NEGR1: variants seen among roughly 807,000 people sequenced by gnomAD.
NEGR1 encodes IgLON family member 4.
In NEGR1, 10 loss-of-function variants were observed where a neutral mutation model predicts 40.9. The observed-to-expected ratio is 0.24, with a 90% CI of 0.15 to 0.42. The LOEUF is 0.42. NEGR1 is among the 10% of genes least tolerant of loss of function. The pLI, the probability that NEGR1 is intolerant of heterozygous loss-of-function variation, is 1.00. For missense variants in NEGR1, 352 were observed against 438.9 expected (o/e 0.80, Z 1.77); for synonymous variants, 185 against 166.8 (o/e 1.11, Z -0.84).
At chr1:71,551,389 A>G (rs2101469408) in intron 6 of NEGR1, among the ~76,000 whole-genome samples, 1 of 151,760 alleles carries the variant, frequency 6.6e-6, no homozygotes, top group Middle Eastern at 3.4e-3. Context: ...TCAGACAGCC[A>G]TACATGTACA....
chr1:71,755,682 C>T (rs1478188102), intron 3 of NEGR1, among the ~76,000 whole-genome samples: 1 of 152,154 alleles, frequency 6.6e-6, no homozygotes, highest in East Asian at 1.9e-4. Flanking sequence ...TGTCCTTAAA[C>T]TTCAAGGCTC....
At chr1:71,902,641 C>T (rs114660507) in intron 2 of NEGR1, among the ~76,000 whole-genome samples, 14 of 152,004 alleles carry the variant, frequency 9.2e-5, no homozygotes, top group African/African-American at 2.2e-4. Context: ...ATTATTTTGC[C>T]GCAATGATAA....
chr1:71,750,066 T>A (rs1655518512), intron 3 of NEGR1, among the ~76,000 whole-genome samples: 1 of 149,664 alleles, frequency 6.7e-6, no homozygotes, highest in Admixed American at 6.7e-5. Context: ...CAATCTCGGC[T>A]CACTGCAAGC....
chr1:72,279,360 A>G (rs1656167972), intron 1 of NEGR1, among the ~76,000 whole-genome samples: 1 of 152,200 alleles, frequency 6.6e-6, no homozygotes, highest in African/African-American at 2.4e-5. Context: ...CACAAGCAAC[A>G]GAGTCACTGA....
At chr1:72,101,857 A>C (rs1180246722) in intron 1 of NEGR1, among the ~76,000 whole-genome samples, 1 of 152,154 alleles carries the variant, frequency 6.6e-6, no homozygotes, top group Non-Finnish European at 1.5e-5. Flanking sequence ...AATTGCTACC[A>C]GTTTTATAGC....
intron 6 of NEGR1, among the ~76,000 whole-genome samples, chr1:71,540,345 G>A (rs1473604390): frequency 6.6e-6 from 1 of 151,740 alleles, no homozygotes; most frequent in Non-Finnish European, 1.5e-5. Flanking sequence ...CCATTGTATT[G>A]ATGCCATGCA....
chr1:71,949,947 C>T (rs978542825), intron 1 of NEGR1, among the ~76,000 whole-genome samples: 5 of 150,596 alleles, frequency 3.3e-5, no homozygotes, highest in Admixed American at 2.0e-4. Context: ...GTAAGAAAAA[C>T]TCAAGAGGCC....
chr1:71,901,889 T>C (rs1661154597), intron 2 of NEGR1, among the ~76,000 whole-genome samples: 1 of 152,060 alleles, frequency 6.6e-6, no homozygotes, highest in African/African-American at 2.4e-5. Context: ...CAGGCTGGTC[T>C]TGAACTCATG....
intron 6 of NEGR1, among the ~76,000 whole-genome samples, chr1:71,420,750 A>G (rs1261422375): frequency 6.6e-6 from 1 of 152,044 alleles, no homozygotes; most frequent in Non-Finnish European, 1.5e-5. Flanking sequence ...TTTCCAGAAT[A>G]TTGCACTGCT....
chr1:71,938,987 T>A (rs1187568270), intron 1 of NEGR1, among the ~76,000 whole-genome samples: 1 of 151,982 alleles, frequency 6.6e-6, no homozygotes, highest in Non-Finnish European at 1.5e-5. Context: ...ATAAGAAAAT[T>A]TATAATTTTG....
Position 71,402,394 on chromosome 1 carries a change from C to CT in NEGR1, c.*5051dup, listed in dbSNP as rs1646252524. On this transcript the variant is annotated 3_prime_UTR_variant, in exon 7 of 7. Coordinates refer to ENST00000357731, the MANE Select transcript of NEGR1 (RefSeq NM_173808.3). Reference sequence around the variant, plus strand: ...TCTGAAATGAAGCATGTTTCTTAGACTGAAGGAAAGCCCTGGGAGAGATTG... The same window carrying CT: ...TCTGAAATGAAGCATGTTTCTTAGACTTGAAGGAAAGCCCTGGGAGAGATTG... The CT allele has an allele frequency of 6.6e-6, 1 of 152,112 alleles. No individual in the cohort carries two copies. The highest frequency in any genetic ancestry group is 1.5e-5 in the Non-Finnish European group (1 of 68,024). The allele number at this position is 152,112 out of a possible 1,614,324, so 9.4% of individuals were successfully genotyped here.
chr1:72,090,115 A>C (rs1648406549), intron 1 of NEGR1, among the ~76,000 whole-genome samples: 2 of 152,074 alleles, frequency 1.3e-5, no homozygotes, highest in Admixed American at 1.3e-4. Context: ...CTTAGTAAGA[A>C]GATAGTTGGG....
intron 1 of NEGR1, among the ~76,000 whole-genome samples, chr1:72,173,488 A>C (rs547946418): frequency 1.3e-5 from 2 of 151,818 alleles, no homozygotes; most frequent in East Asian, 3.9e-4. Flanking sequence ...TTGAAAAGTT[A>C]ATTTTTTAAA....
intron 1 of NEGR1, among the ~76,000 whole-genome samples, chr1:72,214,543 A>G (rs1653726220): frequency 6.6e-6 from 1 of 152,140 alleles, no homozygotes; most frequent in Admixed American, 6.6e-5. Context: ...TTGATGTGCA[A>G]AAATCACAAG....
intron 1 of NEGR1, among the ~76,000 whole-genome samples, chr1:72,266,799 A>G (rs1460947): frequency 0.21 from 31,958 of 149,576 alleles, 4,363 homozygotes; most frequent in Non-Finnish European, 0.3. Context: ...CCATTGAGCT[A>G]AATTCAGAGA....
intron 2 of NEGR1, among the ~76,000 whole-genome samples, chr1:71,929,511 G>A (rs904934718): frequency 1.3e-5 from 2 of 152,068 alleles, no homozygotes; most frequent in African/African-American, 4.8e-5. Context: ...GAATAAAACA[G>A]ACTAGGATCC....
intron 6 of NEGR1, among the ~76,000 whole-genome samples, chr1:71,560,428 AT>A (rs1553150199): frequency 7.3e-5 from 1 of 13,622 alleles, no homozygotes; most frequent in African/African-American, 1.7e-4. Flanking sequence ...GTAATTCTCC[AT>A]TATATATATA....
At chr1:71,988,509 G>A (rs1428184208) in intron 1 of NEGR1, among the ~76,000 whole-genome samples, 1 of 126,970 alleles carries the variant, frequency 7.9e-6, no homozygotes, top group Non-Finnish European at 1.6e-5. Flanking sequence ...ACTGCAGTCC[G>A]CAGTCCGTCC....
chr1:72,074,655 C>A (rs1647642257), intron 1 of NEGR1, among the ~76,000 whole-genome samples: 1 of 152,046 alleles, frequency 6.6e-6, no homozygotes, highest in African/African-American at 2.4e-5. Flanking sequence ...AATACCTATT[C>A]AAAAACTGTG....
Sources: gnomAD v4.1 joint callset for allele counts (sites outside exome capture counted in the v4.1 genomes callset) on GRCh38, gnomAD v4.1.1 for gene constraint, MANE v1.5 for transcripts, NCBI Gene and HGNC (gene_info 2026-07-23, HGNC 2026-07-21) for gene names.